Variants in LRFN5 observed in about 807,000 individuals in gnomAD.
The protein encoded by LRFN5 is leucine-rich repeat and fibronectin type-III domain-containing protein 5.
In LRFN5, 24 loss-of-function variants were observed where a neutral mutation model predicts 45.6. The ratio of observed to expected loss-of-function variants is 0.53; its 90% CI spans 0.38 to 0.74. The LOEUF is 0.74. Ranked by LOEUF, LRFN5 falls within the 30% of genes least tolerant of loss-of-function variation. The pLI is 0.00. For missense variants in LRFN5, 776 were observed against 861.5 expected (o/e 0.90, Z 1.24); for synonymous variants, 340 against 313.8 (o/e 1.08, Z -0.88).
intron 1 of LRFN5, among the ~76,000 whole-genome samples, chr14:41,673,812 C>T (rs1027754228): frequency 6.7e-6 from 1 of 148,474 alleles, no homozygotes; most frequent in Non-Finnish European, 1.5e-5. Flanking sequence ...CCCCCCCCAC[C>T]TCATTCCCGG....
chr14:41,674,210 C>T (rs1358704596), intron 1 of LRFN5, among the ~76,000 whole-genome samples: 8 of 132,510 alleles, frequency 6.0e-5, no homozygotes, highest in African/African-American at 8.5e-5. Flanking sequence ...GGCTGACCCC[C>T]CCACCTCCCT....
chr14:41,763,152 T>C (rs538774117), intron 1 of LRFN5, among the ~76,000 whole-genome samples: 1 of 152,326 alleles, frequency 6.6e-6, no homozygotes, highest in East Asian at 1.9e-4. Flanking sequence ...GCCTATAATG[T>C]ATAAGGTTTT....
intron 1 of LRFN5, among the ~76,000 whole-genome samples, chr14:41,636,955 A>C (rs1266434062): frequency 6.6e-6 from 1 of 152,198 alleles, no homozygotes; most frequent in Non-Finnish European, 1.5e-5. Context: ...ATCACTGAGT[A>C]AATATTTGAA....
chr14:41,745,182 T>C (rs1385134814), intron 1 of LRFN5, among the ~76,000 whole-genome samples: 5 of 152,066 alleles, frequency 3.3e-5, no homozygotes. Context: ...ATATTTACTC[T>C]GGTGACAATG....
At chr14:41,696,235 T>A (rs1594623926) in intron 1 of LRFN5, among the ~76,000 whole-genome samples, 1 of 151,886 alleles carries the variant, frequency 6.6e-6, no homozygotes, top group Admixed American at 6.6e-5. Flanking sequence ...TTCTTATGGA[T>A]GAGCAAAGAA....
intron 2 of LRFN5, among the ~76,000 whole-genome samples, chr14:41,797,764 A>G (rs934545943): frequency 1.3e-5 from 2 of 151,778 alleles, no homozygotes; most frequent in Non-Finnish European, 2.9e-5. Context: ...CTAACATCCC[A>G]GTGATATTCA....
At chr14:41,792,404 G>A (rs887080398) in intron 2 of LRFN5, among the ~76,000 whole-genome samples, 1 of 151,932 alleles carries the variant, frequency 6.6e-6, no homozygotes, top group African/African-American at 2.4e-5. Flanking sequence ...ATTTACCAGG[G>A]TGGAGTTTTT....
At chr14:41,637,676 C>T (rs1879370229) in intron 1 of LRFN5, among the ~76,000 whole-genome samples, 1 of 152,072 alleles carries the variant, frequency 6.6e-6, no homozygotes, top group Non-Finnish European at 1.5e-5. Flanking sequence ...ATTTGGAGGT[C>T]ATTAATATTA....
chr14:41,844,866 A>G (rs1889005657), intron 2 of LRFN5, among the ~76,000 whole-genome samples: 1 of 152,120 alleles, frequency 6.6e-6, no homozygotes, highest in East Asian at 1.9e-4. Flanking sequence ...TAAACAAGAG[A>G]TTAAATTAGA....
chr14:41,744,985 A>G (rs1260023694), intron 1 of LRFN5, among the ~76,000 whole-genome samples: 1 of 152,088 alleles, frequency 6.6e-6, no homozygotes, highest in African/African-American at 2.4e-5. Flanking sequence ...CTATAAACAG[A>G]AGATAAGAAG....
At chr14:41,730,252 A>G (rs751040515) in intron 1 of LRFN5, among the ~76,000 whole-genome samples, 3 of 152,088 alleles carry the variant, frequency 2.0e-5, no homozygotes, top group Non-Finnish European at 4.4e-5. Context: ...GATATGAACT[A>G]CTAAACTATA....
At chr14:41,618,095 C>T (rs1284639514) in intron 1 of LRFN5, among the ~76,000 whole-genome samples, 1 of 152,132 alleles carries the variant, frequency 6.6e-6, no homozygotes, top group Admixed American at 6.5e-5. Flanking sequence ...TCTTGAATCA[C>T]TGTTGTTATT....
At chr14:41,634,744 G>A (rs1011080063) in intron 1 of LRFN5, among the ~76,000 whole-genome samples, 2 of 152,056 alleles carry the variant, frequency 1.3e-5, no homozygotes, top group African/African-American at 4.8e-5. Flanking sequence ...GTTTGGGTCT[G>A]TTTTAATTTG....
intron 1 of LRFN5, among the ~76,000 whole-genome samples, chr14:41,720,283 C>G (rs1883662729): frequency 6.6e-6 from 1 of 152,116 alleles, no homozygotes; most frequent in Non-Finnish European, 1.5e-5. Context: ...ATATTTATGG[C>G]TGCATAGTAT....
intron 1 of LRFN5, among the ~76,000 whole-genome samples, chr14:41,649,623 A>C (rs1435852176): frequency 6.6e-6 from 1 of 152,214 alleles, no homozygotes; most frequent in East Asian, 1.9e-4. Context: ...CCCCATCCTC[A>C]ATATCTGATC....
At chr14:41,846,351 A>G (rs536813450) in intron 2 of LRFN5, among the ~76,000 whole-genome samples, 1 of 152,298 alleles carries the variant, frequency 6.6e-6, no homozygotes, top group African/African-American at 2.4e-5. Context: ...ATAATCAAAA[A>G]CTAGAAAAAG....
At chr14:41,878,892 G>T (rs1348401187) in intron 2 of LRFN5, among the ~76,000 whole-genome samples, 1 of 152,002 alleles carries the variant, frequency 6.6e-6, no homozygotes, top group East Asian at 1.9e-4. Context: ...ATATGTCAAG[G>T]ATCAGTTTGT....
intron 1 of LRFN5, among the ~76,000 whole-genome samples, chr14:41,687,158 A>C (rs977352395): frequency 6.6e-6 from 1 of 152,102 alleles, no homozygotes; most frequent in Non-Finnish European, 1.5e-5. Flanking sequence ...CAATAAAAAA[A>C]CATCAAAAAT....
At chr14:41,756,021 A>C (rs553824073) in intron 1 of LRFN5, among the ~76,000 whole-genome samples, 2 of 152,220 alleles carry the variant, frequency 1.3e-5, no homozygotes, top group East Asian at 3.9e-4. Context: ...TCCTTCACTT[A>C]TGAAGCTTAG....
Sources: gnomAD v4.1 joint callset for allele counts (sites outside exome capture counted in the v4.1 genomes callset) on GRCh38, gnomAD v4.1.1 for gene constraint, MANE v1.5 for transcripts, NCBI Gene and HGNC (gene_info 2026-07-23, HGNC 2026-07-21) for gene names.